Variants in ZNF607 observed in about 807,000 individuals in gnomAD.
ZNF607 encodes the protein zinc finger protein 607.
A neutral mutation model predicts 12.8 loss-of-function variants in ZNF607; 5 were observed. The ratio of observed to expected loss-of-function variants is 0.39; its 90% CI spans 0.20 to 0.82. The LOEUF (loss-of-function observed/expected upper bound fraction) is 0.82, where lower values mean the gene tolerates loss of function less well. Ranked by LOEUF, ZNF607 falls within the 40% of genes least tolerant of loss-of-function variation. ZNF607 has a pLI of 0.39. For missense variants in ZNF607, 851 were observed against 859.2 expected, an observed-to-expected ratio of 0.99 and a Z score of 0.12; for synonymous variants, 287 against 276.2, an observed-to-expected ratio of 1.04 and a Z score of -0.39.
Position 37,707,754 on chromosome 19 carries a change from C to G in ZNF607, c.235+160G>C, listed in dbSNP as rs142077653. Among the ~76,000 whole-genome samples, 39 of 152,296 alleles carry G rather than the reference C, an allele frequency of 2.6e-4. No homozygotes were observed. The East Asian group carries it at 4.6e-3, about 18-fold the overall frequency. ...AGCGCTGGGCCTTCATTGGCTATTT[C>G]ATGCTGAGATATCCATTTCTTCTCC... On this transcript the variant is annotated intron_variant, in intron 4 of 4. Transcript: ENST00000355202.
intron 2 of ZNF607, 52 bp downstream of exon 2, chr19:37,711,558 T>C (rs2045132946): frequency 1.9e-6 from 3 of 1,600,934 alleles, no homozygotes; most frequent in African/African-American, 2.7e-5. Flanking sequence ...AAGACATACA[T>C]GACCTAAAAA....
At position 37,697,391 on chromosome 19, in the gene ZNF607, T is replaced by C; in HGVS notation, c.*649A>G. 1.3e-6 allele frequency: 2 copies of C among 1,502,740 alleles called. No individual in the cohort carries two copies. The highest frequency in any genetic ancestry group is 1.1e-5 in the South Asian group (1 of 88,260). The allele number at this position is 1,502,740 out of a possible 1,614,324, so 93.1% of individuals were successfully genotyped here. ...CAAACTTGCCGATGGACTCAAACACTTTGGCAGCCATGTTTTCTTCTGCGG... is the reference window on the plus strand; with the variant it reads ...CAAACTTGCCGATGGACTCAAACACCTTGGCAGCCATGTTTTCTTCTGCGG... On this transcript the variant is annotated 3_prime_UTR_variant, in exon 5 of 5. Coordinates refer to ENST00000355202, the MANE Select transcript of ZNF607 (RefSeq NM_032689.5).
In ZNF607 at chr19:37,698,842, A is replaced by G. The variant is rs745382556; in HGVS notation, c.1289T>C (p.Phe430Ser). The change falls in exon 5 of 5, where the codon TTC (phenylalanine) becomes TCC (serine). Residue 430 changes from phenylalanine to serine, a missense_variant. Transcript: ENST00000355202. ...ATGGGCAAGGTGTGCACGCTGACTG[A>G]AGGCCTTCCCACATTCCTTACATTT... ...PYKCKECGKA[F>S]SQRAHLAHHN... 9.9e-6 allele frequency: 16 copies of G among 1,613,958 alleles called. No individual in the cohort carries two copies. The highest frequency in any genetic ancestry group is 5.9e-6 in the Non-Finnish European group (7 of 1,180,022).
chr19:37,704,976 A>C (rs1599663939), intron 4 of ZNF607, among the ~76,000 whole-genome samples: 1 of 152,198 alleles, frequency 6.6e-6, no homozygotes, highest in East Asian at 1.9e-4. Flanking sequence ...AACAAACAAA[A>C]CAAAACAAAA....
At position 37,698,419 on chromosome 19, in the gene ZNF607, C is replaced by G. The variant is rs574159458; in HGVS notation, c.1712G>C (p.Arg571Pro). The G allele has an allele frequency of 1.9e-6, 3 of 1,614,120 alleles. No homozygotes were observed. Among genetic ancestry groups the G allele is most frequent in the East Asian group, 4.5e-5 (2 of 44,884 alleles). The change falls in exon 5 of 5, where the codon CGT becomes CCT. Residue 571 changes from arginine to proline, a missense_variant. Coordinates refer to ENST00000355202, the MANE Select transcript of ZNF607 (RefSeq NM_032689.5). ...ATGATATATGAGGCTTGTGGCATGA[C>G]GAAAGGCCTTGCCACATTCCTTACA... ...YECKECGKAF[R>P]HATSLIYHDR...
rs2044987066 is a variant in ZNF607 at position 37,697,544 on chromosome 19, T to A, written c.*496A>T. On this transcript the variant is annotated 3_prime_UTR_variant, in exon 5 of 5. Transcript: ENST00000355202. ...CAGAAGGGATAAATATCTTCCCCCA[T>A]ATCATCCCAGCTATAGGAAGCAGAT... 1 of 520,342 alleles carries A rather than the reference T, an allele frequency of 1.9e-6. No individual in the cohort carries two copies. Among genetic ancestry groups the A allele is most frequent in the South Asian group, 2.0e-5 (1 of 49,424 alleles). 32.2% of individuals were successfully genotyped at this position (520,342 alleles called of 1,614,324 possible).
intron 4 of ZNF607, among the ~76,000 whole-genome samples, chr19:37,703,535 T>C (rs975709222): frequency 6.6e-6 from 1 of 151,950 alleles, no homozygotes; most frequent in Non-Finnish European, 1.5e-5. Flanking sequence ...TGCAGAGAAA[T>C]TGGAACCCTT....
intron 1 of ZNF607, among the ~76,000 whole-genome samples, chr19:37,715,139 T>C (rs1448823012): frequency 6.6e-6 from 1 of 151,524 alleles, no homozygotes; most frequent in Non-Finnish European, 1.5e-5. Context: ...AACTCCTGAC[T>C]TAGTGATCTG....
chr19:37,698,484 T>C lies in ZNF607; in HGVS notation c.1647A>G (p.Lys549=). 6.2e-7 allele frequency: 1 copy of C among 1,614,084 alleles called. No individual in the cohort carries two copies. Among genetic ancestry groups the C allele is most frequent in the Non-Finnish European group, 8.5e-7 (1 of 1,180,008 alleles). The change falls in exon 5 of 5, where the codon AAA becomes AAG. Residue 549 remains lysine (K), a synonymous_variant. Coordinates refer to ENST00000355202, the MANE Select transcript of ZNF607 (RefSeq NM_032689.5). ...GKSFRFISVL[K]AHQNIHSAEK... is the part of the protein sequence containing the mutation. ...CAGCGCTATGAATATTCTGATGGGC[T>C]TTAAGTACAGAAATGAACCTAAAAG...
In ZNF607 at chr19:37,697,136, G is replaced by C; in HGVS notation, c.*904C>G. 2.7e-6 allele frequency: 2 copies of C among 746,602 alleles called. No individual in the cohort carries two copies. The highest frequency in any genetic ancestry group is 5.0e-6 in the Non-Finnish European group (2 of 398,674). 46.2% of individuals were successfully genotyped at this position (746,602 alleles called of 1,614,324 possible). A position where few individuals can be genotyped will look rare whatever the true frequency, so the allele number is the denominator to read the frequency against. On this transcript the variant is annotated 3_prime_UTR_variant, in exon 5 of 5. Transcript: ENST00000355202. ...GCCGGAAGAGGATGCACAGTGTGAT[G>C]TTGACATTCTGTAAATCTTTGCTAC...
intron 1 of ZNF607, among the ~76,000 whole-genome samples, chr19:37,714,637 T>C (rs2045161226): frequency 6.6e-6 from 1 of 151,856 alleles, no homozygotes; most frequent in Admixed American, 6.6e-5. Context: ...AGACAGGCTG[T>C]CTTCTCACTC....
chr19:37,711,928 A>G (rs1275327459), intron 1 of ZNF607, among the ~76,000 whole-genome samples: 1 of 152,228 alleles, frequency 6.6e-6, no homozygotes, highest in Non-Finnish European at 1.5e-5. Flanking sequence ...CAGATAATTC[A>G]GTAGGAAATT....
At position 37,698,636 on chromosome 19, in the gene ZNF607, G is replaced by A; in HGVS notation, c.1495C>T (p.His499Tyr). Reference sequence around the variant, plus strand: ...CATTCATAAGGTTTCTCACCAGTATGAACTCTGCGATGTATAGTGAGTTTA... The same window carrying A: ...CATTCATAAGGTTTCTCACCAGTATAAACTCTGCGATGTATAGTGAGTTTA... ...SHKLTIHRRV[H>Y]TGEKPYECKE... The change falls in exon 5 of 5, where the codon CAT becomes TAT. Residue 499 changes from histidine (H) to tyrosine (Y), a missense_variant. His to Tyr is a moderately conservative substitution (Grantham distance 83). Transcript: ENST00000355202. The A allele has an allele frequency of 1.2e-6, 2 of 1,613,900 alleles. No homozygotes were observed. The highest frequency in any genetic ancestry group is 1.7e-6 in the Non-Finnish European group (2 of 1,179,944).
rs781211384 is a variant in ZNF607 at position 37,699,702 on chromosome 19, T to C, written c.429A>G (p.Gln143=). Residue 143 remains glutamine, a synonymous_variant, in exon 5 of 5, where the codon CAA becomes CAG. Coordinates refer to ENST00000355202, the MANE Select transcript of ZNF607 (RefSeq NM_032689.5). ...QTIHTSEEPD[Q]CEKFRKAFSH... is the part of the protein sequence containing the mutation. Reference sequence around the variant, plus strand: ...TAAATGCCTTCCTAAACTTTTCACATTGATCAGGTTCCTCACTAGTATGAA... The same window carrying C: ...TAAATGCCTTCCTAAACTTTTCACACTGATCAGGTTCCTCACTAGTATGAA... 6.2e-7 allele frequency: 1 copy of C among 1,614,114 alleles called. No homozygotes were observed.
chr19:37,707,928 C>CT lies in ZNF607; in HGVS notation c.220dup (p.Arg74LysfsTer12). ...CTTGCTCTTACCTGTACACTCTCCT[C>CT]TTGTTTCTTCCCTCACAATCATCCA... On this transcript the variant is annotated frameshift_variant, in exon 4 of 5. Coordinates refer to ENST00000355202, the MANE Select transcript of ZNF607 (RefSeq NM_032689.5). LOFTEE classifies it low-confidence loss of function (END_TRUNC). 4.3e-6 allele frequency: 7 copies of CT among 1,613,990 alleles called. No individual in the cohort carries two copies. Among genetic ancestry groups the CT allele is most frequent in the Non-Finnish European group, 5.1e-6 (6 of 1,179,928 alleles).
intron 1 of ZNF607, among the ~76,000 whole-genome samples, chr19:37,717,837 A>G (rs1171168398): frequency 6.6e-6 from 1 of 151,618 alleles, no homozygotes; most frequent in Non-Finnish European, 1.5e-5. Context: ...AAAAGAAAGA[A>G]AAAGAGTTGC....
Position 37,699,723 on chromosome 19 carries a change from A to G in ZNF607, c.408T>C (p.His136=), listed in dbSNP as rs756306028. The G allele has an allele frequency of 3.6e-5, 58 of 1,613,968 alleles. No individual in the cohort carries two copies. Among genetic ancestry groups the G allele is most frequent in the Non-Finnish European group, 4.7e-5 (56 of 1,180,024 alleles). The change falls in exon 5 of 5, where the codon CAT becomes CAC. Residue 136 remains histidine (H), a synonymous_variant. Coordinates refer to ENST00000355202, the MANE Select transcript of ZNF607 (RefSeq NM_032689.5). ...CACATTGATCAGGTTCCTCACTAGT[A>G]TGAATTGTTTGATGTACCATGAGTT... ...LTELMVHQTI[H]TSEEPDQCEK... is the part of the protein sequence containing the mutation.
intron 1 of ZNF607, among the ~76,000 whole-genome samples, chr19:37,715,455 A>G (rs2045168657): frequency 6.6e-6 from 1 of 151,544 alleles, no homozygotes; most frequent in Non-Finnish European, 1.5e-5. Context: ...AAAAATACAA[A>G]ATTAGCTGGG....
At chr19:37,714,013 A>G (rs2045153161) in intron 1 of ZNF607, among the ~76,000 whole-genome samples, 1 of 152,106 alleles carries the variant, frequency 6.6e-6, no homozygotes, top group African/African-American at 2.4e-5. Flanking sequence ...TTAGTAAATA[A>G]GACAGGTTTA....
Sources: gnomAD v4.1 joint callset for allele counts (sites outside exome capture counted in the v4.1 genomes callset) on GRCh38, gnomAD v4.1.1 for gene constraint, MANE v1.5 for transcripts, NCBI Gene and HGNC (gene_info 2026-07-23, HGNC 2026-07-21) for gene names.